The following PIGU variants were observed in gnomAD, a reference collection of about 807,000 sequenced individuals.
The protein encoded by PIGU is GPI-anchor transamidase component PIGU.
A neutral mutation model predicts 49.9 loss-of-function variants in PIGU; 24 were observed. The ratio of observed to expected loss-of-function variants is 0.48; its 90% confidence interval spans 0.35 to 0.68. The LOEUF is 0.68. Among genes scored for constraint, PIGU ranks in the 30% least tolerant of loss-of-function variants. The pLI, the probability that PIGU is intolerant of heterozygous loss-of-function variation, is 0.01. For missense variants in PIGU, 490 were observed against 532.6 expected (o/e 0.92, Z 0.79); for synonymous variants, 220 against 205.7 (o/e 1.07, Z -0.59).
chr20:34,642,693 C>CATATATATAT (rs11472795), intron 4 of PIGU, among the ~76,000 whole-genome samples: 57 of 120,290 alleles, frequency 4.7e-4, no homozygotes, highest in African/African-American at 1.7e-3. Flanking sequence ...ACACATATCT[C>CATATATATAT]ATATATATAT....
intron 6 of PIGU, among the ~76,000 whole-genome samples, chr20:34,622,571 T>G (rs1408219114): frequency 6.6e-6 from 1 of 151,574 alleles, no homozygotes; most frequent in Non-Finnish European, 1.5e-5. Flanking sequence ...AGCAAGCAGG[T>G]AGGAGTCAGA....
chr20:34,604,954 C>G (rs1984559696), intron 7 of PIGU, among the ~76,000 whole-genome samples: 1 of 151,972 alleles, frequency 6.6e-6, no homozygotes, highest in Non-Finnish European at 1.5e-5. Context: ...TTAGGAATCC[C>G]AAGCAAAAGG....
rs59998699 is a variant in PIGU at position 34,650,700 on chromosome 20, C to CTTTTTTTTTTTTTTTTTTTTTT, written c.196-5388_196-5367dup. Among the ~76,000 whole-genome samples, 54 of 38,796 alleles carry CTTTTTTTTTTTTTTTTTTTTTT rather than the reference C, an allele frequency of 1.4e-3. 13 individuals carry two copies. Among genetic ancestry groups the CTTTTTTTTTTTTTTTTTTTTTT allele is most frequent in the Non-Finnish European group, 1.8e-3 (41 of 22,818 alleles). 25.5% of individuals were successfully genotyped at this position (38,796 alleles called of 152,430 possible). ...AATTTTTTTCCTTTTCTTTTTTTCT[C>CTTTTTTTTTTTTTTTTTTTTTT]TTTTTTTTTTTTTTTTTTTTTTTTT... On this transcript the variant is annotated intron_variant, in intron 2 of 11. Coordinates refer to ENST00000217446, the MANE Select transcript of PIGU (RefSeq NM_080476.5).
intron 1 of PIGU, 77 bp downstream of exon 1, chr20:34,676,879 C>A: frequency 1.3e-6 from 2 of 1,542,524 alleles, no homozygotes; most frequent in Non-Finnish European, 1.8e-6. Context: ...CTGGCGGTCA[C>A]TGCCCCCGCC....
At chr20:34,674,871 C>T (rs145244587) in intron 1 of PIGU, among the ~76,000 whole-genome samples, 1,541 of 150,996 alleles carry the variant, frequency 0.01, 30 homozygotes, top group African/African-American at 0.035. Context: ...GTCCTGAGCC[C>T]GAGAGGTCAA....
chr20:34,574,247 A>C (rs1756295344), intron 11 of PIGU, among the ~76,000 whole-genome samples: 1 of 152,144 alleles, frequency 6.6e-6, no homozygotes, highest in South Asian at 2.1e-4. Flanking sequence ...CTGCCACAGA[A>C]CCTCTGGAAG....
At chr20:34,613,731 C>A (rs1984905369) in intron 7 of PIGU, among the ~76,000 whole-genome samples, 1 of 152,158 alleles carries the variant, frequency 6.6e-6, no homozygotes, top group South Asian at 2.1e-4. Context: ...TGGAAAAATG[C>A]TTCAACTCAG....
chr20:34,591,039 A>AT (rs71194625), intron 7 of PIGU, among the ~76,000 whole-genome samples: 44,875 of 150,360 alleles, frequency 0.3, 7,750 homozygotes, highest in Admixed American at 0.46. Context: ...GAGAAAAAAA[A>AT]ATATATATAT....
intron 7 of PIGU, among the ~76,000 whole-genome samples, chr20:34,594,931 A>T (rs1984134633): frequency 6.6e-6 from 1 of 151,810 alleles, no homozygotes; most frequent in African/African-American, 2.4e-5. Context: ...TCTCTACTAA[A>T]AATACAAAAA....
chr20:34,617,344 T>TG (rs1374943390), intron 6 of PIGU, among the ~76,000 whole-genome samples: 3 of 152,128 alleles, frequency 2.0e-5, no homozygotes, highest in Non-Finnish European at 4.4e-5. Context: ...GGCTATACCC[T>TG]GCAAAGCCAC....
intron 11 of PIGU, among the ~76,000 whole-genome samples, chr20:34,562,931 C>A (rs1349854887): frequency 6.6e-6 from 1 of 152,216 alleles, no homozygotes; most frequent in Admixed American, 6.5e-5. Context: ...AGAGGCTGAT[C>A]CCTGAACCAG....
At chr20:34,629,796 A>C (rs1286701906) in intron 6 of PIGU, among the ~76,000 whole-genome samples, 2 of 152,258 alleles carry the variant, frequency 1.3e-5, no homozygotes, top group South Asian at 2.1e-4. Flanking sequence ...TAATAGATTG[A>C]TCACATGTGT....
intron 6 of PIGU, among the ~76,000 whole-genome samples, chr20:34,628,510 G>A (rs1235147972): frequency 6.6e-5 from 10 of 151,996 alleles, no homozygotes; most frequent in African/African-American, 1.7e-4. Flanking sequence ...TACATACATT[G>A]GTTAAAGAAT....
intron 7 of PIGU, among the ~76,000 whole-genome samples, chr20:34,614,235 T>G (rs1984923386): frequency 6.6e-6 from 1 of 151,544 alleles, no homozygotes; most frequent in Non-Finnish European, 1.5e-5. Context: ...AGGTTGAGGG[T>G]GCAGTGAACC....
At chr20:34,631,757 ATATATATATATATATATATATATATATAT>A (rs1985751818) in intron 6 of PIGU, among the ~76,000 whole-genome samples, 2 of 4,156 alleles carry the variant, frequency 4.8e-4, no homozygotes, top group African/African-American at 2.8e-3. Flanking sequence ...ATATATATAT[ATATATATATATATATATATATATATATAT>A]TTTTTTTTTT....
chr20:34,637,785 C>A (rs1299139066), intron 5 of PIGU, 91 bp downstream of exon 5: 27 of 1,581,004 alleles, frequency 1.7e-5, no homozygotes, highest in Non-Finnish European at 2.2e-5. Flanking sequence ...GATTGCAAAT[C>A]TCCAAAAATA....
rs1600643114 is a variant in PIGU at position 34,630,618 on chromosome 20, A to G, written c.529+3997T>C. ...AGCCCTGCCCATGCACGGAGTCTCC[A>G]GTCAATATGTTAGTGCTTCATTTAA... On this transcript the variant is annotated intron_variant, in intron 6 of 11. Coordinates refer to ENST00000217446, the MANE Select transcript of PIGU (RefSeq NM_080476.5). Among the ~76,000 whole-genome samples the G allele has an allele frequency of 1.3e-5, 2 of 152,248 alleles. 1 individual carries two copies. Among genetic ancestry groups the G allele is most frequent in the South Asian group, 4.2e-4 (2 of 4,814 alleles).
intron 7 of PIGU, among the ~76,000 whole-genome samples, chr20:34,594,965 G>A (rs1287945574): frequency 6.6e-6 from 1 of 151,472 alleles, no homozygotes; most frequent in Non-Finnish European, 1.5e-5. Flanking sequence ...GGTGGGGGGC[G>A]CCTGTAGTCC....
At chr20:34,566,039 T>TA (rs1982750158) in intron 11 of PIGU, among the ~76,000 whole-genome samples, 1 of 149,446 alleles carries the variant, frequency 6.7e-6, no homozygotes, top group Admixed American at 6.7e-5. Context: ...TGCACACACA[T>TA]ACACGCACGC....
Sources: allele counts gnomAD v4.1 joint callset (sites outside exome capture counted in the v4.1 genomes callset), GRCh38; gene constraint gnomAD v4.1.1; transcripts MANE v1.5; gene names NCBI Gene and HGNC (gene_info 2026-07-23, HGNC 2026-07-21).